Variants in HK2 observed in about 807,000 individuals in gnomAD.
HK2 encodes hexokinase 2.
Under a neutral mutation model 92.9 loss-of-function variants are expected in HK2, and 42 were observed. The observed-to-expected ratio is 0.45, with a 90% CI of 0.35 to 0.58. HK2 has a LOEUF of 0.58. Ranked by LOEUF, HK2 falls within the 20% of genes least tolerant of loss-of-function variation. The probability of loss-of-function intolerance (pLI) is 0.00; values close to 1 mark genes in which losing one functional copy is unlikely to be tolerated. For missense variants in HK2, 978 were observed against 1,245.1 expected, an observed-to-expected ratio of 0.79 and a Z score of 3.23; for synonymous variants, 422 against 468.0, an observed-to-expected ratio of 0.90 and a Z score of 1.27.
intron 3 of HK2, among the ~76,000 whole-genome samples, chr2:74,870,661 A>G (rs1689077027): frequency 6.6e-6 from 1 of 150,888 alleles, no homozygotes; most frequent in Non-Finnish European, 1.5e-5. Context: ...TACGTATCAT[A>G]TAATTCATCT....
Position 74,872,326 on chromosome 2 carries a change from G to A in HK2, c.402G>A (p.Leu134=), listed in dbSNP as rs1191238392. 1 of 1,614,042 alleles carries A rather than the reference G, an allele frequency of 6.2e-7. No individual in the cohort carries two copies. The highest frequency in any genetic ancestry group is 8.5e-7 in the Non-Finnish European group (1 of 1,179,966). ...TQLFDHIAEC[L]ANFMDKLQIK... is the part of the protein sequence containing the mutation. ...TGTTTGACCACATTGCCGAATGCCT[G>A]GCTAACTTCATGGATAAGCTACAAA... Residue 134 remains leucine (L), a synonymous_variant, in exon 4 of 18, where the codon CTG becomes CTA. Coordinates refer to ENST00000290573, the MANE Select transcript of HK2 (RefSeq NM_000189.5).
Position 74,880,677 on chromosome 2 carries a change from G to A in HK2, c.1570+108G>A, listed in dbSNP as rs7596751. On this transcript the variant is annotated intron_variant, in intron 10 of 17. Transcript: ENST00000290573. ...GCATTGGACATTTGAACCAGAACAC[G>A]TTTCTTCAGCCGTATTACTAGGGAG... is the stretch of plus-strand genomic sequence containing the variant. 619 of 1,158,084 alleles carry A rather than the reference G, an allele frequency of 5.3e-4. 2 individuals are homozygous for A. In the African/African-American group the frequency reaches 7.4e-3, roughly 14 times the overall value. The allele number at this position is 1,158,084 out of a possible 1,614,324, so 71.7% of individuals were successfully genotyped here. A position where few individuals can be genotyped will look rare whatever the true frequency, so the allele number is the denominator to read the frequency against.
At chr2:74,850,121 G>T (rs901628225) in intron 1 of HK2, among the ~76,000 whole-genome samples, 5 of 152,188 alleles carry the variant, frequency 3.3e-5, no homozygotes, top group Non-Finnish European at 5.9e-5. Flanking sequence ...TCAGAACAGG[G>T]CCAACCACGA....
At chr2:74,854,542 G>A in intron 2 of HK2, 87 bp downstream of exon 2, 2 of 1,493,686 alleles carry the variant, frequency 1.3e-6, no homozygotes, top group East Asian at 4.5e-5. Context: ...TAACTCAAAA[G>A]CCTCAGAAAC....
At chr2:74,847,425 C>T (rs748857403) in intron 1 of HK2, among the ~76,000 whole-genome samples, 2 of 152,118 alleles carry the variant, frequency 1.3e-5, no homozygotes, top group African/African-American at 2.4e-5. Context: ...TGCTTGTAAT[C>T]CCAGCACTTT....
rs764848819 is a variant in HK2, at chr2:74,880,390, C to T, written c.1391C>T (p.Ala464Val). Residue 464 changes from alanine (A) to valine (V), a missense_variant, in exon 10 of 18, where the codon GCC becomes GTC. Physicochemically the swap from Ala to Val is moderately conservative, Grantham distance 64. Transcript: ENST00000290573. ...GTGACAGCAGTGGCTTACCGGCTGG[C>T]CGATCAACACCGTGCCCGCCAGAAG... The part of the protein sequence containing the change: ...AMVTAVAYRL[A>V]DQHRARQKTL... 6.2e-7 allele frequency: 1 copy of T among 1,613,566 alleles called. No homozygotes were observed. The highest frequency in any genetic ancestry group is 8.5e-7 in the Non-Finnish European group (1 of 1,179,996).
At chr2:74,886,863 C>T (rs1689552829) in intron 15 of HK2, among the ~76,000 whole-genome samples, 190 bp downstream of exon 15, 1 of 152,222 alleles carries the variant, frequency 6.6e-6, no homozygotes, top group Admixed American at 6.5e-5. Flanking sequence ...AGAAGCATCT[C>T]CCACCCAAAA....
Position 74,836,001 on chromosome 2 carries a change from G to A in HK2, c.63+1358G>A, listed in dbSNP as rs577408992. ...CCTCAAGTCTGGAGGAGCGAGCAGA[G>A]GCGGTTGATTTACTTGGGTTTTACT... is the stretch of plus-strand genomic sequence containing the variant. On this transcript the variant is annotated intron_variant, in intron 1 of 17. Transcript: ENST00000290573. Among the ~76,000 whole-genome samples the A allele has an allele frequency of 2.0e-5, 3 of 152,318 alleles. No homozygotes were observed. In the South Asian group the frequency reaches 6.2e-4, roughly 32 times the overall value.
chr2:74,857,102 G>A (rs911785453), intron 2 of HK2, among the ~76,000 whole-genome samples: 2 of 152,194 alleles, frequency 1.3e-5, no homozygotes, highest in African/African-American at 4.8e-5. Context: ...AACAAAGGAA[G>A]TGGCCCCTGG....
At chr2:74,855,159 G>A (rs909243877) in intron 2 of HK2, among the ~76,000 whole-genome samples, 11 of 152,118 alleles carry the variant, frequency 7.2e-5, no homozygotes, top group African/African-American at 2.2e-4. Context: ...ACCAAGCCCG[G>A]CTAATTTTGT....
At chr2:74,839,861 C>CCA (rs1030894189) in intron 1 of HK2, among the ~76,000 whole-genome samples, 1 of 150,960 alleles carries the variant, frequency 6.6e-6, no homozygotes, top group African/African-American at 2.4e-5. Flanking sequence ...ACCATGTTGA[C>CCA]CAGGATGGTC....
intron 2 of HK2, among the ~76,000 whole-genome samples, chr2:74,858,506 A>T (rs995377267): frequency 3.3e-5 from 5 of 152,192 alleles, no homozygotes; most frequent in African/African-American, 1.2e-4. Flanking sequence ...TCTGAGAATT[A>T]AGGGAGAATC....
At chr2:74,877,398 C>T in intron 8 of HK2, 77 bp downstream of exon 8, 1 of 1,536,092 alleles carries the variant, frequency 6.5e-7, no homozygotes, top group Non-Finnish European at 9.0e-7. Context: ...GAGGAGGGGG[C>T]TGTACCTTTT....
At chr2:74,871,326 C>T (rs2103952079) in intron 3 of HK2, among the ~76,000 whole-genome samples, 1 of 152,324 alleles carries the variant, frequency 6.6e-6, no homozygotes, top group East Asian at 1.9e-4. Context: ...TAGTTGACCT[C>T]TTATCCACCT....
intron 3 of HK2, among the ~76,000 whole-genome samples, chr2:74,869,146 A>G (rs1391863964): frequency 1.3e-5 from 2 of 152,104 alleles, no homozygotes; most frequent in Non-Finnish European, 2.9e-5. Context: ...TATGAGACCC[A>G]CCTTGAAGAG....
intron 1 of HK2, among the ~76,000 whole-genome samples, chr2:74,849,952 C>A (rs769052323): frequency 6.6e-6 from 1 of 152,214 alleles, no homozygotes; most frequent in African/African-American, 2.4e-5. Flanking sequence ...TTGATAGTAT[C>A]CAGAAACTTA....
At chr2:74,888,917 A>G (rs780936087) in intron 16 of HK2, among the ~76,000 whole-genome samples, 3 of 152,188 alleles carry the variant, frequency 2.0e-5, no homozygotes, top group Non-Finnish European at 4.4e-5. Context: ...GAGAAAATGG[A>G]CATGAAAGAG....
intron 2 of HK2, among the ~76,000 whole-genome samples, chr2:74,860,863 T>C (rs1175993069): frequency 2.0e-5 from 3 of 152,258 alleles, no homozygotes; most frequent in African/African-American, 7.2e-5. Flanking sequence ...TAATAATGTA[T>C]GAGAGCTCTG....
rs894014535 is a variant in HK2 at position 74,837,672 on chromosome 2, C to CTTT, written c.63+3049_63+3051dup. ...TCACACTAGGTCCTTTTGCCCTTGT[C>CTTT]TTTTTTTTTTTTTTTTTTTTTTGAG... On this transcript the variant is annotated intron_variant, in intron 1 of 17. Coordinates refer to ENST00000290573, the MANE Select transcript of HK2 (RefSeq NM_000189.5). 3.5e-3 allele frequency among the ~76,000 whole-genome samples: 363 copies of CTTT among 104,082 alleles called. 3 individuals are homozygous for CTTT. The highest frequency in any genetic ancestry group is 4.6e-3 in the African/African-American group (125 of 27,120). 68.3% of individuals were successfully genotyped at this position (104,082 alleles called of 152,430 possible).
Sources: gnomAD v4.1 joint callset for allele counts (sites outside exome capture counted in the v4.1 genomes callset) on GRCh38, gnomAD v4.1.1 for gene constraint, MANE v1.5 for transcripts, NCBI Gene and HGNC (gene_info 2026-07-23, HGNC 2026-07-21) for gene names.